Variants in MYLK observed in about 807,000 individuals in gnomAD.
The protein encoded by MYLK is myosin light chain kinase.
Under a neutral mutation model 203.4 loss-of-function variants are expected in MYLK, and 106 were observed. That is an observed-to-expected ratio of 0.52 (90% CI 0.45 to 0.61). MYLK has a LOEUF of 0.61. Ranked by LOEUF, MYLK falls within the 20% of genes least tolerant of loss-of-function variation. The pLI, the probability that MYLK is intolerant of heterozygous loss-of-function variation, is 0.00. For synonymous variants in MYLK, 867 were observed against 959.5 expected (o/e 0.90, Z 1.78); for missense variants, 2,072 against 2,442.3 (o/e 0.85, Z 3.20).
chr3:123,778,734 T>C (rs1441497279), intron 4 of MYLK, among the ~76,000 whole-genome samples: 2 of 152,170 alleles, frequency 1.3e-5, no homozygotes, highest in East Asian at 3.9e-4. Flanking sequence ...GTGACCTTTG[T>C]TTCCATCTCT....
chr3:123,811,754 T>C (rs1560248242), intron 3 of MYLK, among the ~76,000 whole-genome samples: 1 of 152,174 alleles, frequency 6.6e-6, no homozygotes, highest in East Asian at 1.9e-4. Context: ...GCAATTCTAG[T>C]GCCAGAACAT....
intron 3 of MYLK, among the ~76,000 whole-genome samples, chr3:123,816,384 G>C (rs2065751792): frequency 6.6e-6 from 1 of 152,196 alleles, no homozygotes; most frequent in Non-Finnish European, 1.5e-5. Context: ...GAGGTCATGA[G>C]GACTGAAGTC....
intron 4 of MYLK, among the ~76,000 whole-genome samples, chr3:123,760,757 A>C (rs1238319795): frequency 6.6e-6 from 1 of 152,192 alleles, no homozygotes; most frequent in African/African-American, 2.4e-5. Flanking sequence ...AACTAGGTAA[A>C]AATCTAACCC....
chr3:123,793,810 T>A lies in MYLK; in HGVS notation c.32A>T (p.His11Leu). Residue 11 changes from histidine (H) to leucine (L), a missense_variant, in exon 4 of 34, where the codon CAC (histidine) becomes CTC (leucine). Around this residue, in one of 3 missense-constraint regions of MYLK, gnomAD observed 683 missense variants for 643.8 expected, o/e 1.06. Coordinates refer to ENST00000360304, the MANE Select transcript of MYLK (RefSeq NM_053025.4). MGDVKLVASS[H>L]ISKTSLSVDP... ...CACACTGAGGGAGGTTTTGGAAATGTGTGACGAGGCAACCAGCTTCACATC... is the reference window on the plus strand; with the variant it reads ...CACACTGAGGGAGGTTTTGGAAATGAGTGACGAGGCAACCAGCTTCACATC... The A allele has an allele frequency of 6.2e-7, 1 of 1,614,194 alleles. No homozygotes were observed. Among genetic ancestry groups the A allele is most frequent in the Non-Finnish European group, 8.5e-7 (1 of 1,180,040 alleles).
At position 123,642,625 on chromosome 3, in the gene MYLK, C is replaced by T. The variant is rs769240212; in HGVS notation, c.4620-2121G>A. On this transcript the variant is annotated intron_variant, in intron 27 of 33. Coordinates refer to ENST00000360304, the MANE Select transcript of MYLK (RefSeq NM_053025.4). This position sits in a 1 kb window ranked among gnomAD's most constrained non-coding sequence, Gnocchi z 4.2. ...GGTGGCGCTCTTGTCCTTATGCCCT[C>T]CATTTCTATTGCTCTCTGCCAAGGC... Among the ~76,000 whole-genome samples, 21 of 152,204 alleles carry T rather than the reference C, an allele frequency of 1.4e-4. No individual in the cohort carries two copies. Among genetic ancestry groups the T allele is most frequent in the Non-Finnish European group, 2.6e-4 (18 of 68,036 alleles).
intron 19 of MYLK, among the ~76,000 whole-genome samples, chr3:123,686,432 G>A (rs2060460354): frequency 6.6e-6 from 1 of 151,964 alleles, no homozygotes; most frequent in Non-Finnish European, 1.5e-5. Context: ...CACGCAGGGG[G>A]CATGAGGTCT....
At chr3:123,770,065 C>A (rs1310169046) in intron 4 of MYLK, among the ~76,000 whole-genome samples, 1 of 151,306 alleles carries the variant, frequency 6.6e-6, no homozygotes, top group Non-Finnish European at 1.5e-5. Context: ...AATCCCAGCA[C>A]TTTTGGAGGC....
At chr3:123,698,122 C>T (rs1196522258) in intron 18 of MYLK, among the ~76,000 whole-genome samples, 1 of 152,142 alleles carries the variant, frequency 6.6e-6, no homozygotes, top group African/African-American at 2.4e-5. Flanking sequence ...AAACCCCATG[C>T]AAGCCCAAGA....
chr3:123,734,510 C>G (rs891648745), intron 9 of MYLK: 5 of 348,946 alleles, frequency 1.4e-5, no homozygotes, highest in Admixed American at 1.3e-4. Context: ...CCTCTGCCAC[C>G]GGTGTCCCGT....
intron 4 of MYLK, among the ~76,000 whole-genome samples, chr3:123,764,008 G>A (rs983257170): frequency 1.3e-5 from 2 of 151,698 alleles, no homozygotes; most frequent in African/African-American, 4.8e-5. Context: ...ATTCTCTCTG[G>A]GAGATTTCTT....
chr3:123,675,805 G>A (rs577670482), intron 20 of MYLK, among the ~76,000 whole-genome samples: 1 of 152,166 alleles, frequency 6.6e-6, no homozygotes, highest in Non-Finnish European at 1.5e-5. Context: ...GGGGGTACCT[G>A]AGGATGGAAG....
intron 4 of MYLK, among the ~76,000 whole-genome samples, chr3:123,778,977 T>C (rs190864924): frequency 1.8e-4 from 28 of 152,352 alleles, no homozygotes; most frequent in Admixed American, 5.9e-4. Context: ...AGCTATGTCC[T>C]GGCAGCTAAA....
intron 2 of MYLK, among the ~76,000 whole-genome samples, chr3:123,863,745 T>C (rs1052607119): frequency 1.3e-5 from 2 of 152,190 alleles, no homozygotes; most frequent in African/African-American, 4.8e-5. Context: ...TAGATTCTGA[T>C]ACATTGGAAA....
At chr3:123,823,611 A>G (rs146003630) in intron 3 of MYLK, among the ~76,000 whole-genome samples, 45 of 152,308 alleles carry the variant, frequency 3.0e-4, no homozygotes, top group African/African-American at 1.1e-3. Context: ...CCACTGTAGC[A>G]GTCTCCTATG....
In MYLK at chr3:123,722,045, C is replaced by T. The variant is rs2062107778; in HGVS notation, c.1804+83G>A. On this transcript the variant is annotated intron_variant, in intron 13 of 33. Coordinates refer to ENST00000360304, the MANE Select transcript of MYLK (RefSeq NM_053025.4). ...CTCCCTGGATTTGAGCTCATGATAC[C>T]ATTTTCTACAAATGTGCCCTTCCTC... 34 of 1,526,804 alleles carry T rather than the reference C, an allele frequency of 2.2e-5. 1 individual carries two copies. In the South Asian group the frequency reaches 4.1e-4, roughly 18 times the overall value. The allele number at this position is 1,526,804 out of a possible 1,614,324, so 94.6% of individuals were successfully genotyped here.
intron 20 of MYLK, among the ~76,000 whole-genome samples, chr3:123,670,646 T>G (rs546167203): frequency 6.6e-6 from 1 of 152,096 alleles, no homozygotes; most frequent in African/African-American, 2.4e-5. Flanking sequence ...TCTCAGTTAC[T>G]TGGGAGGGAT....
rs1560259967 is a variant in MYLK, at chr3:123,820,652, T to TTCCTTCCTTCCCTCCC, written c.-4+10895_-4+10896insGGGAGGGAAGGAAGGA. Among the ~76,000 whole-genome samples the TTCCTTCCTTCCCTCCC allele has an allele frequency of 9.4e-4, 107 of 113,914 alleles. 1 individual carries two copies. Among genetic ancestry groups the TTCCTTCCTTCCCTCCC allele is most frequent in the African/African-American group, 2.8e-3 (94 of 32,988 alleles). The allele number at this position is 113,914 out of a possible 152,430, so 74.7% of individuals were successfully genotyped here. A position where few individuals can be genotyped will look rare whatever the true frequency, so the allele number is the denominator to read the frequency against. ...CTTCCTTCCTTCCTTCCCTCCTTCC[T>TTCCTTCCTTCCCTCCC]TCCTTCCTTCCCTCCTTCCTTCCTT... On this transcript the variant is annotated intron_variant, in intron 3 of 33. Transcript: ENST00000360304.
rs113982787 is a variant in MYLK at position 123,821,018 on chromosome 3, C to A, written c.-4+10530G>T. On this transcript the variant is annotated intron_variant, in intron 3 of 33. Coordinates refer to ENST00000360304, the MANE Select transcript of MYLK (RefSeq NM_053025.4). ...TGCTGGGATTACAGGCGTGAGCCAC[C>A]ACGCCCGGCTGAGCTAACAGTGATT... Among the ~76,000 whole-genome samples, 3 of 152,236 alleles carry A rather than the reference C, an allele frequency of 2.0e-5. No individual in the cohort carries two copies. In the East Asian group the frequency reaches 5.8e-4, roughly 29 times the overall value.
chr3:123,663,920 G>A (rs1222206338), intron 23 of MYLK, among the ~76,000 whole-genome samples, 185 bp downstream of exon 23: 2 of 152,168 alleles, frequency 1.3e-5, no homozygotes, highest in Non-Finnish European at 2.9e-5. Context: ...TGAGCCTGGA[G>A]GTCAGCAGGG....
Sources: gnomAD v4.1 joint callset for allele counts (sites outside exome capture counted in the v4.1 genomes callset) on GRCh38, gnomAD v4.1.1 for gene constraint, gnomAD v4.1.1 regional missense constraint, Gnocchi (gnomAD v3.1) non-coding constraint, MANE v1.5 for transcripts, NCBI Gene and HGNC (gene_info 2026-07-23, HGNC 2026-07-21) for gene names.